The following EFCAB6 variants were observed in gnomAD, a reference collection of about 807,000 sequenced individuals.
EFCAB6 encodes EF-hand calcium-binding domain-containing protein 6.
Under a neutral mutation model 169.8 loss-of-function variants are expected in EFCAB6, and 156 were observed. The observed-to-expected ratio is 0.92, with a 90% CI of 0.81 to 1.05. The LOEUF is 1.05. EFCAB6 is among the 50% of genes least tolerant of loss of function. EFCAB6 has a pLI of 0.00. For synonymous variants in EFCAB6, 698 were observed against 676.4 expected (o/e 1.03, Z -0.50); for missense variants, 1,800 against 1,829.1 (o/e 0.98, Z 0.29).
chr22:43,654,367 T>C (rs1189925092), intron 17 of EFCAB6, among the ~76,000 whole-genome samples: 3 of 152,190 alleles, frequency 2.0e-5, no homozygotes, highest in Non-Finnish European at 2.9e-5. Flanking sequence ...AGAAAAAGAA[T>C]AACTTGACAG....
intron 22 of EFCAB6, among the ~76,000 whole-genome samples, chr22:43,607,073 C>T (rs1019657135): frequency 5.9e-5 from 9 of 152,178 alleles, no homozygotes; most frequent in South Asian, 2.1e-4. Flanking sequence ...CACCCCACAA[C>T]CACACTCAAA....
chr22:43,530,757 G>A lies in EFCAB6; in HGVS notation c.4383+58C>T, dbSNP rs2047006003. ...GAGGGCTCCCCGTGGGAAGTTTCTG[G>A]CCGCTGGCATTTGGCAGCTGCTCCC... On this transcript the variant is annotated intron_variant, in intron 31 of 31. Coordinates refer to ENST00000262726, the MANE Select transcript of EFCAB6 (RefSeq NM_022785.4). 6 of 1,602,438 alleles carry A rather than the reference G, an allele frequency of 3.7e-6. No individual in the cohort carries two copies. In the African/African-American group the frequency reaches 6.7e-5, roughly 18 times the overall value.
intron 28 of EFCAB6, among the ~76,000 whole-genome samples, chr22:43,539,187 G>A (rs2047551155): frequency 6.6e-6 from 1 of 152,164 alleles, no homozygotes; most frequent in Non-Finnish European, 1.5e-5. Context: ...AGTTCTGTTT[G>A]CAACCTTAAC....
At chr22:43,591,505 G>C (rs1024777982) in intron 23 of EFCAB6, among the ~76,000 whole-genome samples, 3 of 1,106 alleles carry the variant, frequency 2.7e-3, no homozygotes, top group African/African-American at 8.2e-3. Context: ...CCACCACGTG[G>C]TGTTGAATCA....
chr22:43,727,936 T>A (rs2059798169), intron 8 of EFCAB6, among the ~76,000 whole-genome samples: 1 of 152,080 alleles, frequency 6.6e-6, no homozygotes, highest in Non-Finnish European at 1.5e-5. Context: ...AGGATACATG[T>A]GCAGAACATG....
At chr22:43,736,919 G>A (rs1257614144) in intron 6 of EFCAB6, among the ~76,000 whole-genome samples, 2 of 151,606 alleles carry the variant, frequency 1.3e-5, no homozygotes, top group Non-Finnish European at 2.9e-5. Context: ...TCCCTTGGGC[G>A]CCCAAAGCTC....
chr22:43,668,649 C>T (rs936421567), intron 16 of EFCAB6, among the ~76,000 whole-genome samples: 4 of 152,204 alleles, frequency 2.6e-5, no homozygotes, highest in Admixed American at 1.3e-4. Flanking sequence ...ACCTCTCAGA[C>T]ATCAGTGTTT....
rs200656934 is a variant in EFCAB6 at position 43,530,861 on chromosome 22, T to C, written c.4337A>G (p.Tyr1446Cys). 4.3e-5 allele frequency: 70 copies of C among 1,614,216 alleles called. No individual in the cohort carries two copies. In the East Asian group the frequency reaches 1.4e-3, roughly 33 times the overall value. The change falls in exon 31 of 32, where the codon TAT (tyrosine) becomes TGT (cysteine). Residue 1446 changes from tyrosine to cysteine, a missense_variant. Physicochemically the swap from Tyr to Cys is radical, Grantham distance 194. Transcript: ENST00000262726. The stretch of plus-strand genomic sequence containing the variant: ...TAGCAGCCCTGTTCCAGCCTCATCA[T>C]AGCTTTTGAACGTGCGCCGCATTGG... ...WRPMRRTFKS[Y>C]DEAGTGLLSV...
chr22:43,587,935 G>C (rs1298671669), intron 24 of EFCAB6, among the ~76,000 whole-genome samples: 1 of 152,072 alleles, frequency 6.6e-6, no homozygotes, highest in East Asian at 1.9e-4. Flanking sequence ...CAAATCTACA[G>C]GGATACATAG....
At chr22:43,593,782 T>C (rs1449914321) in intron 23 of EFCAB6, among the ~76,000 whole-genome samples, 2 of 152,192 alleles carry the variant, frequency 1.3e-5, no homozygotes, top group East Asian at 3.9e-4. Flanking sequence ...CCTTTTGAAA[T>C]GACAGACAGG....
At chr22:43,692,888 C>T (rs974044230) in intron 10 of EFCAB6, among the ~76,000 whole-genome samples, 2 of 152,024 alleles carry the variant, frequency 1.3e-5, no homozygotes, top group Admixed American at 6.5e-5. Context: ...ATTTAAGATA[C>T]ACAACAAACA....
chr22:43,680,786 T>C (rs1358618182), intron 12 of EFCAB6, among the ~76,000 whole-genome samples: 1 of 152,238 alleles, frequency 6.6e-6, no homozygotes, highest in African/African-American at 2.4e-5. Context: ...CTGATTTTTG[T>C]ATGTTAATCT....
chr22:43,604,740 C>A (rs1041562960), intron 22 of EFCAB6, among the ~76,000 whole-genome samples: 1 of 152,054 alleles, frequency 6.6e-6, no homozygotes, highest in South Asian at 2.1e-4. Flanking sequence ...CATGGCACAG[C>A]TGCTTTTTCA....
chr22:43,696,398 A>G (rs1603238099), intron 10 of EFCAB6, among the ~76,000 whole-genome samples: 3 of 152,252 alleles, frequency 2.0e-5, no homozygotes, highest in African/African-American at 7.2e-5. Context: ...TAGTATCACA[A>G]ATTTAAACAT....
chr22:43,768,496 C>G (rs1352488929), intron 4 of EFCAB6, among the ~76,000 whole-genome samples: 1 of 152,204 alleles, frequency 6.6e-6, no homozygotes, highest in Non-Finnish European at 1.5e-5. Flanking sequence ...AGAAAAGCCA[C>G]AGATGCTGGG....
At chr22:43,576,232 C>T (rs1423142793) in intron 26 of EFCAB6, 65 bp downstream of exon 26, 3 of 1,404,918 alleles carry the variant, frequency 2.1e-6, no homozygotes, top group Non-Finnish European at 1.9e-6. Context: ...ATCAATTATC[C>T]ATTTTGTAAA....
chr22:43,552,838 C>G (rs2048460088), intron 27 of EFCAB6: 1 of 152,050 alleles, frequency 6.6e-6, no homozygotes, highest in Non-Finnish European at 1.5e-5. Flanking sequence ...ACCTTGATTA[C>G]TTGGCCCCAT....
intron 10 of EFCAB6, among the ~76,000 whole-genome samples, chr22:43,688,935 T>G (rs1420330028): frequency 6.6e-6 from 1 of 152,192 alleles, no homozygotes; most frequent in African/African-American, 2.4e-5. Flanking sequence ...ACAAACAAAT[T>G]CTTTATCTAC....
chr22:43,674,396 AAATG>A (rs1159473759), intron 13 of EFCAB6, among the ~76,000 whole-genome samples: 84 of 152,238 alleles, frequency 5.5e-4, no homozygotes, highest in Admixed American at 6.5e-4. Context: ...ATCAGGCCAC[AAATG>A]TGACTCTGAG....
Sources: allele counts gnomAD v4.1 joint callset (sites outside exome capture counted in the v4.1 genomes callset), GRCh38; gene constraint gnomAD v4.1.1; transcripts MANE v1.5; gene names NCBI Gene and HGNC (gene_info 2026-07-23, HGNC 2026-07-21).